Variants in MAGI1 observed in about 807,000 individuals in gnomAD.
MAGI1 encodes the protein membrane-associated guanylate kinase, WW and PDZ domain-containing protein 1.
A neutral mutation model predicts 139.9 loss-of-function variants in MAGI1; 58 were observed. That is an observed-to-expected ratio of 0.41 (90% CI 0.34 to 0.52). The LOEUF is 0.52. Ranked by LOEUF, MAGI1 falls within the 20% of genes least tolerant of loss-of-function variation. MAGI1 has a pLI of 0.12. For synonymous variants in MAGI1, 812 were observed against 737.9 expected, an observed-to-expected ratio of 1.10 and a Z score of -1.63; for missense variants, 1,874 against 1,901.6, an observed-to-expected ratio of 0.99 and a Z score of 0.27.
intron 1 of MAGI1, among the ~76,000 whole-genome samples, chr3:65,674,488 C>T (rs2087060913): frequency 6.6e-6 from 1 of 152,166 alleles, no homozygotes; most frequent in Non-Finnish European, 1.5e-5. Flanking sequence ...GTGTCAGAGG[C>T]TATGCATCAC....
intron 12 of MAGI1, among the ~76,000 whole-genome samples, chr3:65,420,810 ATAAG>A (rs1448397721): frequency 6.6e-6 from 1 of 152,240 alleles, no homozygotes. Context: ...AATAATGCAT[ATAAG>A]TAAGTAACTC....
chr3:65,950,036 C>T (rs1340464416), intron 1 of MAGI1, among the ~76,000 whole-genome samples: 1 of 81,918 alleles, frequency 1.2e-5, no homozygotes, highest in African/African-American at 5.1e-5. Context: ...GCAACAGAGC[C>T]AGATCATCAA....
chr3:65,355,572 G>C lies in MAGI1; in HGVS notation c.*806C>G, dbSNP rs1259556992. The C allele has an allele frequency of 1.3e-5, 2 of 152,736 alleles. No individual in the cohort carries two copies. The highest frequency in any genetic ancestry group is 2.1e-4 in the South Asian group (1 of 4,828). The allele number at this position is 152,736 out of a possible 1,614,324, so 9.5% of individuals were successfully genotyped here. On this transcript the variant is annotated 3_prime_UTR_variant, in exon 23 of 23. Coordinates refer to ENST00000402939, the MANE Select transcript of MAGI1 (RefSeq NM_001033057.2). Reference sequence around the variant, plus strand: ...AGATGCTTGTTGTCTCTTCCTCGTAGTAATTGAGCAAAGCTGTGATGGCAT... The same window carrying C: ...AGATGCTTGTTGTCTCTTCCTCGTACTAATTGAGCAAAGCTGTGATGGCAT...
At chr3:65,812,249 T>G (rs2041290800) in intron 1 of MAGI1, among the ~76,000 whole-genome samples, 1 of 152,108 alleles carries the variant, frequency 6.6e-6, no homozygotes, top group African/African-American at 2.4e-5. Context: ...TCAGTACAGA[T>G]GCAACATAAA....
At chr3:65,389,656 T>G (rs1315875739) in intron 14 of MAGI1, among the ~76,000 whole-genome samples, 2 of 152,230 alleles carry the variant, frequency 1.3e-5, no homozygotes, top group Non-Finnish European at 1.5e-5. Flanking sequence ...ACCTGGTTCC[T>G]GGTTAGCATC....
chr3:65,899,352 G>T (rs1322462761), intron 1 of MAGI1, among the ~76,000 whole-genome samples: 1 of 152,182 alleles, frequency 6.6e-6, no homozygotes, highest in East Asian at 1.9e-4. Flanking sequence ...TAACTACTCA[G>T]GTCCATTTTC....
intron 1 of MAGI1, among the ~76,000 whole-genome samples, chr3:65,820,719 A>G (rs2041902127): frequency 6.6e-6 from 1 of 152,196 alleles, no homozygotes; most frequent in Non-Finnish European, 1.5e-5. Context: ...TGTTGTCTTA[A>G]GTAAATAATG....
rs1952214549 is a variant in MAGI1 at position 65,493,642 on chromosome 3, A to C, written c.431-11T>G. 6.2e-7 allele frequency: 1 copy of C among 1,613,784 alleles called. No homozygotes were observed. Among genetic ancestry groups the C allele is most frequent in the East Asian group, 2.2e-5 (1 of 44,882 alleles). On this transcript the variant is annotated splice_polypyrimidine_tract_variant and intron_variant, in intron 2 of 22. Transcript: ENST00000402939. The stretch of plus-strand genomic sequence containing the variant: ...GAGATCGGGTTGTGCCTGTAGCAGA[A>C]AATACAAAGGCACAACAAACCATCA...
At chr3:65,683,752 C>A (rs903880100) in intron 1 of MAGI1, among the ~76,000 whole-genome samples, 1 of 151,580 alleles carries the variant, frequency 6.6e-6, no homozygotes, top group African/African-American at 2.4e-5. Context: ...ACAATGAGAG[C>A]ACTTCACACC....
chr3:65,794,835 C>G (rs1011085580), intron 1 of MAGI1, among the ~76,000 whole-genome samples: 8 of 136,290 alleles, frequency 5.9e-5, no homozygotes, highest in African/African-American at 2.1e-4. Context: ...CAAAACAAAC[C>G]CTCATCAGGA....
intron 5 of MAGI1, among the ~76,000 whole-genome samples, chr3:65,463,770 T>C (rs1233180954): frequency 6.6e-6 from 1 of 152,120 alleles, no homozygotes; most frequent in East Asian, 1.9e-4. Flanking sequence ...CTTTTTTTGG[T>C]TGGTAGGTTA....
chr3:65,739,122 T>C (rs1358310246), intron 1 of MAGI1, among the ~76,000 whole-genome samples: 3 of 152,252 alleles, frequency 2.0e-5, no homozygotes, highest in African/African-American at 7.2e-5. Flanking sequence ...TATAGCCACA[T>C]TCATCAATTA....
intron 1 of MAGI1, among the ~76,000 whole-genome samples, chr3:65,682,588 T>G (rs1170628856): frequency 6.6e-6 from 1 of 152,094 alleles, no homozygotes; most frequent in African/African-American, 2.4e-5. Context: ...TACACCAAAT[T>G]TACTTGGCAT....
chr3:65,626,241 T>G (rs920369051), intron 1 of MAGI1, among the ~76,000 whole-genome samples: 3 of 152,226 alleles, frequency 2.0e-5, no homozygotes, highest in Middle Eastern at 3.2e-3. Flanking sequence ...TTATCACATA[T>G]ATAACAAAGA....
chr3:65,693,666 T>C (rs2088876626), intron 1 of MAGI1, among the ~76,000 whole-genome samples: 1 of 152,134 alleles, frequency 6.6e-6, no homozygotes, highest in Non-Finnish European at 1.5e-5. Flanking sequence ...CCAGCAGATG[T>C]TGAATTCTGA....
intron 1 of MAGI1, among the ~76,000 whole-genome samples, chr3:65,832,257 G>C (rs1394015330): frequency 2.0e-5 from 3 of 152,178 alleles, no homozygotes; most frequent in Non-Finnish European, 4.4e-5. Flanking sequence ...AATGCAGCTG[G>C]TTCTGTGCAG....
intron 1 of MAGI1, among the ~76,000 whole-genome samples, chr3:65,932,215 C>G (rs1205053348): frequency 6.6e-6 from 1 of 152,138 alleles, no homozygotes; most frequent in Non-Finnish European, 1.5e-5. Flanking sequence ...TCTCTCCCAA[C>G]CAACATAAAA....
chr3:65,924,849 A>G (rs1191262322), intron 1 of MAGI1: 1 of 152,282 alleles, frequency 6.6e-6, no homozygotes, highest in Non-Finnish European at 1.5e-5. Context: ...TGCCTGGCAC[A>G]TAGTTAAGTG....
chr3:65,916,534 A>G (rs2108704390), intron 1 of MAGI1, among the ~76,000 whole-genome samples: 1 of 152,302 alleles, frequency 6.6e-6, no homozygotes, highest in South Asian at 2.1e-4. Flanking sequence ...TAAAACCATC[A>G]GATATTGTGA....
Sources: allele counts gnomAD v4.1 joint callset (sites outside exome capture counted in the v4.1 genomes callset), GRCh38; gene constraint gnomAD v4.1.1; transcripts MANE v1.5; gene names NCBI Gene and HGNC (gene_info 2026-07-23, HGNC 2026-07-21).